The following OPCML variants were observed in gnomAD, a reference collection of about 807,000 sequenced individuals.
The protein encoded by OPCML is opioid-binding protein/cell adhesion molecule.
In OPCML, 13 loss-of-function variants were observed where a neutral mutation model predicts 37.8. The observed-to-expected ratio is 0.34, with a 90% CI of 0.22 to 0.55. The LOEUF (loss-of-function observed/expected upper bound fraction) is 0.55, where lower values mean the gene tolerates loss of function less well. Ranked by LOEUF, OPCML falls within the 20% of genes least tolerant of loss-of-function variation. OPCML has a pLI of 0.91. For synonymous variants in OPCML, 176 were observed against 168.8 expected (o/e 1.04, Z -0.33); for missense variants, 341 against 435.6 (o/e 0.78, Z 1.93).
At chr11:133,186,973 G>A (rs541128122) in intron 1 of OPCML, among the ~76,000 whole-genome samples, 3 of 152,160 alleles carry the variant, frequency 2.0e-5, no homozygotes, top group Admixed American at 6.5e-5. Context: ...GGCATTCGTC[G>A]TGGTGGTGGT....
chr11:133,264,297 T>C (rs891149432), intron 1 of OPCML, among the ~76,000 whole-genome samples: 1 of 152,198 alleles, frequency 6.6e-6, no homozygotes, highest in Non-Finnish European at 1.5e-5. Flanking sequence ...TTGCAAATTA[T>C]TACATGCAGG....
Position 133,202,912 on chromosome 11 carries a change from G to T in OPCML, c.62-259902C>A, listed in dbSNP as rs183799992. 2.5e-3 allele frequency among the ~76,000 whole-genome samples: 385 copies of T among 152,354 alleles called. 6 individuals carry two copies. Among genetic ancestry groups the T allele is most frequent in the Admixed American group, 0.022 (340 of 15,310 alleles). Reference sequence around the variant, plus strand: ...AGCTCAGCGCTTCTGCTTACCAGCAGTGTGATCCTGACCCATAATTAAAAG... The same window carrying T: ...AGCTCAGCGCTTCTGCTTACCAGCATTGTGATCCTGACCCATAATTAAAAG... On this transcript the variant is annotated intron_variant, in intron 1 of 7. Transcript: ENST00000524381.
Position 132,419,883 on chromosome 11 carries a change from T to C in OPCML, c.*310A>G, listed in dbSNP as rs1212677072. ...TTGTTGTGTGTGGCAGAGGATGTTGTTGGGAATGATGATGAGGAGAGAAGC... is the reference window on the plus strand; with the variant it reads ...TTGTTGTGTGTGGCAGAGGATGTTGCTGGGAATGATGATGAGGAGAGAAGC... On this transcript the variant is annotated 3_prime_UTR_variant, in exon 8 of 8. Coordinates refer to ENST00000524381, the MANE Select transcript of OPCML (RefSeq NM_001012393.5). 3.2e-6 allele frequency: 1 copy of C among 311,360 alleles called. No homozygotes were observed. The highest frequency in any genetic ancestry group is 5.9e-6 in the Non-Finnish European group (1 of 168,208). 19.3% of individuals were successfully genotyped at this position (311,360 alleles called of 1,614,324 possible). A position where few individuals can be genotyped will look rare whatever the true frequency, so the allele number is the denominator to read the frequency against.
At chr11:133,503,064 G>C (rs1050445927) in intron 1 of OPCML, among the ~76,000 whole-genome samples, 7 of 152,166 alleles carry the variant, frequency 4.6e-5, no homozygotes, top group Non-Finnish European at 8.8e-5. Context: ...AAGGACACAG[G>C]GGATTTGAGG....
chr11:133,217,860 A>C (rs1939650940), intron 1 of OPCML, among the ~76,000 whole-genome samples: 2 of 152,138 alleles, frequency 1.3e-5, no homozygotes, highest in African/African-American at 4.8e-5. Flanking sequence ...CCTGGGCAGC[A>C]TAGGGAGAAT....
In OPCML at chr11:133,075,094, G is replaced by A. The variant is rs560915842; in HGVS notation, c.62-132084C>T. On this transcript the variant is annotated intron_variant, in intron 1 of 7. Coordinates refer to ENST00000524381, the MANE Select transcript of OPCML (RefSeq NM_001012393.5). ...CGCGTCCCCACCCTGCCCTGTCAGC[G>A]TAGCTGCATTTTGTCACAGACTGAG... Among the ~76,000 whole-genome samples the A allele has an allele frequency of 3.9e-5, 6 of 152,254 alleles. No homozygotes were observed. In the East Asian group the frequency reaches 7.8e-4, roughly 20 times the overall value.
At chr11:132,809,923 C>T (rs1310160230) in intron 2 of OPCML, among the ~76,000 whole-genome samples, 1 of 152,172 alleles carries the variant, frequency 6.6e-6, no homozygotes, top group Non-Finnish European at 1.5e-5. Context: ...GATCTCGGCT[C>T]ACTGCAGGCT....
chr11:133,090,188 T>C (rs1948882545), intron 1 of OPCML, among the ~76,000 whole-genome samples: 1 of 152,086 alleles, frequency 6.6e-6, no homozygotes, highest in Non-Finnish European at 1.5e-5. Flanking sequence ...ATCACATTCT[T>C]AGTAATTCTC....
chr11:132,850,425 C>T (rs987513828), intron 2 of OPCML, among the ~76,000 whole-genome samples: 6 of 152,048 alleles, frequency 3.9e-5, no homozygotes, highest in Non-Finnish European at 5.9e-5. Context: ...CACGTTAAAA[C>T]GCACAGTTGG....
intron 1 of OPCML, among the ~76,000 whole-genome samples, chr11:133,222,664 A>G (rs1402191132): frequency 6.6e-6 from 1 of 152,248 alleles, no homozygotes; most frequent in African/African-American, 2.4e-5. Flanking sequence ...GGCCTCTAGC[A>G]TTATAAATTA....
chr11:132,464,328 A>G (rs2096112825), intron 4 of OPCML, among the ~76,000 whole-genome samples: 2 of 152,128 alleles, frequency 1.3e-5, no homozygotes, highest in South Asian at 4.1e-4. Context: ...TGTTTTTATC[A>G]GGGGACTTCA....
intron 1 of OPCML, among the ~76,000 whole-genome samples, chr11:133,403,087 G>C (rs1464418444): frequency 1.3e-5 from 2 of 152,122 alleles, no homozygotes; most frequent in African/African-American, 4.8e-5. Context: ...AAATTTTTGT[G>C]CAGTGATTAA....
chr11:132,899,840 C>T (rs1051832169), intron 2 of OPCML, among the ~76,000 whole-genome samples: 3 of 151,948 alleles, frequency 2.0e-5, no homozygotes, highest in Non-Finnish European at 4.4e-5. Flanking sequence ...TCCTGGAGCT[C>T]GGATACACTC....
At chr11:133,246,677 CT>C (rs1170329805) in intron 1 of OPCML, among the ~76,000 whole-genome samples, 2 of 152,192 alleles carry the variant, frequency 1.3e-5, no homozygotes, top group Admixed American at 1.3e-4. Flanking sequence ...TTCTGCATTT[CT>C]TACAAAAAGC....
intron 2 of OPCML, among the ~76,000 whole-genome samples, chr11:132,889,064 A>G (rs959853424): frequency 6.6e-6 from 1 of 152,172 alleles, no homozygotes; most frequent in African/African-American, 2.4e-5. Flanking sequence ...AGAGAATGAC[A>G]CTGTAGGAAT....
intron 4 of OPCML, among the ~76,000 whole-genome samples, chr11:132,503,747 A>T (rs2096250610): frequency 1.3e-5 from 2 of 152,148 alleles, no homozygotes; most frequent in African/African-American, 4.8e-5. Context: ...ATTAATATTG[A>T]ATATTTTTCA....
chr11:132,789,275 T>A (rs116257270), intron 2 of OPCML, among the ~76,000 whole-genome samples: 1 of 152,338 alleles, frequency 6.6e-6, no homozygotes, highest in Non-Finnish European at 1.5e-5. Context: ...AGAAACCACA[T>A]GTGCCTTGTT....
At chr11:132,841,104 CT>C (rs1396076717) in intron 2 of OPCML, among the ~76,000 whole-genome samples, 2 of 152,170 alleles carry the variant, frequency 1.3e-5, no homozygotes, top group African/African-American at 4.8e-5. Flanking sequence ...TATAAAGTGC[CT>C]GGCACAAGTA....
At chr11:132,934,573 C>A (rs1450704653) in intron 2 of OPCML, among the ~76,000 whole-genome samples, 2 of 152,164 alleles carry the variant, frequency 1.3e-5, no homozygotes, top group East Asian at 1.9e-4. Flanking sequence ...AACTTTCTTT[C>A]TTTTCTCTAC....
Sources: allele counts gnomAD v4.1 joint callset (sites outside exome capture counted in the v4.1 genomes callset), GRCh38; gene constraint gnomAD v4.1.1; transcripts MANE v1.5; gene names NCBI Gene and HGNC (gene_info 2026-07-23, HGNC 2026-07-21).